The following TNR variants were observed in gnomAD, a reference collection of about 807,000 sequenced individuals.
TNR encodes the protein tenascin R.
A neutral mutation model predicts 150.4 loss-of-function variants in TNR; 45 were observed. The observed-to-expected ratio is 0.30, with a 90% CI of 0.24 to 0.38. The LOEUF is 0.38. Among genes scored for constraint, TNR ranks in the 10% least tolerant of loss-of-function variants. The pLI is 1.00. For synonymous variants in TNR, 687 were observed against 678.4 expected (o/e 1.01, Z -0.20); for missense variants, 1,544 against 1,759.1 (o/e 0.88, Z 2.19).
At chr1:175,402,083 G>A (rs990884700) in intron 4 of TNR, among the ~76,000 whole-genome samples, 5 of 151,872 alleles carry the variant, frequency 3.3e-5, no homozygotes, top group African/African-American at 9.7e-5. Flanking sequence ...CGAGGCGGGC[G>A]GATCATGAGG....
chr1:175,622,341 C>G (rs1664004194), intron 1 of TNR, among the ~76,000 whole-genome samples: 1 of 152,208 alleles, frequency 6.6e-6, no homozygotes, highest in African/African-American at 2.4e-5. Context: ...GCACCCATAG[C>G]ACTCATGCCA....
chr1:175,505,302 G>A (rs1345813770), intron 2 of TNR, among the ~76,000 whole-genome samples: 1 of 152,222 alleles, frequency 6.6e-6, no homozygotes, highest in Non-Finnish European at 1.5e-5. Context: ...GGCTTATCTC[G>A]GGCTTCCCCC....
Position 175,723,440 on chromosome 1 carries a change from G to T in TNR, c.-165+19786C>A, listed in dbSNP as rs188156179. On this transcript the variant is annotated intron_variant, in intron 1 of 22. Coordinates refer to ENST00000367674, the MANE Select transcript of TNR (RefSeq NM_003285.3). ...TCACTACACTCCAGGGACTGGGCAG[G>T]ACTCTGGAAAGACAAAGGTGAGCAA... is the stretch of plus-strand genomic sequence containing the variant. 3.9e-5 allele frequency among the ~76,000 whole-genome samples: 6 copies of T among 152,312 alleles called. No homozygotes were observed. The East Asian group carries it at 1.2e-3, about 29-fold the overall frequency.
Position 175,323,116 on chromosome 1 carries a change from G to T in TNR, c.*241C>A. On this transcript the variant is annotated 3_prime_UTR_variant, in exon 23 of 23. Coordinates refer to ENST00000367674, the MANE Select transcript of TNR (RefSeq NM_003285.3). The stretch of plus-strand genomic sequence containing the variant: ...AACTTCCTACTTCTCCTCCTTGGTG[G>T]GAAAGGAGGTGAAGGTTGAGGAGGC... 2.5e-6 allele frequency: 1 copy of T among 406,230 alleles called. No individual in the cohort carries two copies. The highest frequency in any genetic ancestry group is 4.3e-6 in the Non-Finnish European group (1 of 230,196). 25.2% of individuals were successfully genotyped at this position (406,230 alleles called of 1,614,324 possible). A position where few individuals can be genotyped will look rare whatever the true frequency, so the allele number is the denominator to read the frequency against.
At position 175,521,091 on chromosome 1, in the gene TNR, G is replaced by C. The variant is rs566397354; in HGVS notation, c.-64+7178C>G. ...TGTCCTTTTCTTAAAATTGGGGTGG[G>C]GATGAGGATGGGATGGGGAGTAATT... is the stretch of plus-strand genomic sequence containing the variant. On this transcript the variant is annotated intron_variant, in intron 2 of 22. Transcript: ENST00000367674. 3.7e-3 allele frequency among the ~76,000 whole-genome samples: 565 copies of C among 152,240 alleles called. 2 individuals carry two copies. Among genetic ancestry groups the C allele is most frequent in the South Asian group, 0.012 (56 of 4,820 alleles).
intron 1 of TNR, among the ~76,000 whole-genome samples, chr1:175,633,060 AC>A (rs1664382126): frequency 6.6e-6 from 1 of 151,630 alleles, no homozygotes; most frequent in African/African-American, 2.4e-5. Flanking sequence ...TGGAATACCC[AC>A]CCCCTCTTCC....
chr1:175,491,151 T>C lies in TNR; in HGVS notation c.-64+37118A>G, dbSNP rs188188257. ...ATCAATCACTGTATGTTCTCACTTA[T>C]AAGTGGGAGCTGAATGATGAGAACA... On this transcript the variant is annotated intron_variant, in intron 2 of 22. Coordinates refer to ENST00000367674, the MANE Select transcript of TNR (RefSeq NM_003285.3). 1.5e-3 allele frequency among the ~76,000 whole-genome samples: 226 copies of C among 151,924 alleles called. 2 individuals carry two copies. Among genetic ancestry groups the C allele is most frequent in the African/African-American group, 5.2e-3 (215 of 41,420 alleles).
chr1:175,668,614 C>A (rs1166983073), intron 1 of TNR, among the ~76,000 whole-genome samples: 1 of 152,132 alleles, frequency 6.6e-6, no homozygotes, highest in Non-Finnish European at 1.5e-5. Context: ...CCTGGCATCT[C>A]AAAAAGAGTC....
intron 18 of TNR, among the ~76,000 whole-genome samples, chr1:175,347,750 C>T (rs1227473972): frequency 6.6e-6 from 1 of 151,694 alleles, no homozygotes; most frequent in African/African-American, 2.4e-5. Flanking sequence ...TTTAAATTTA[C>T]ATTTTAATTT....
chr1:175,539,400 G>A (rs1361227308), intron 1 of TNR, among the ~76,000 whole-genome samples: 1 of 152,132 alleles, frequency 6.6e-6, no homozygotes, highest in Non-Finnish European at 1.5e-5. Context: ...ATTTAATGGA[G>A]GTGTAAACAA....
chr1:175,616,427 C>A (rs1663778156), intron 1 of TNR, among the ~76,000 whole-genome samples: 1 of 152,140 alleles, frequency 6.6e-6, no homozygotes, highest in Non-Finnish European at 1.5e-5. Context: ...GCGGGTGATG[C>A]TAGGTGTGCT....
chr1:175,457,954 T>C (rs1486084483), intron 2 of TNR, among the ~76,000 whole-genome samples: 1 of 152,244 alleles, frequency 6.6e-6, no homozygotes, highest in Non-Finnish European at 1.5e-5. Context: ...CTCATGTCTG[T>C]CTGAATAGAA....
At position 175,352,605 on chromosome 1, in the gene TNR, T is replaced by C. The variant is rs1651107214; in HGVS notation, c.3382+1786A>G. ...TTTGCAAGAGCATGGAGGGGGAGCA[T>C]AATTGACTCCAGCCCCATAAAAGAG... On this transcript the variant is annotated intron_variant, in intron 18 of 22. Coordinates refer to ENST00000367674, the MANE Select transcript of TNR (RefSeq NM_003285.3). 2.6e-5 allele frequency among the ~76,000 whole-genome samples: 4 copies of C among 152,132 alleles called. No homozygotes were observed. In the South Asian group the frequency reaches 8.3e-4, roughly 32 times the overall value.
Position 175,539,539 on chromosome 1 carries a change from C to T in TNR, c.-164-11170G>A, listed in dbSNP as rs58949039. On this transcript the variant is annotated intron_variant, in intron 1 of 22. Transcript: ENST00000367674. ...TCTCAGGCAGAGAAAAACAGTTGCA[C>T]TGAGACCTGCTGGCTCTGGAAGGTC... Among the ~76,000 whole-genome samples the T allele has an allele frequency of 7.0e-3, 1,062 of 152,310 alleles. 8 individuals are homozygous for T. The highest frequency in any genetic ancestry group is 0.023 in the African/African-American group (951 of 41,566).
At chr1:175,604,528 C>G (rs1663352316) in intron 1 of TNR, among the ~76,000 whole-genome samples, 1 of 152,194 alleles carries the variant, frequency 6.6e-6, no homozygotes, top group Non-Finnish European at 1.5e-5. Flanking sequence ...GAAAAGCTCA[C>G]TTCCTTGCCC....
chr1:175,491,024 G>C (rs1437938938), intron 2 of TNR, among the ~76,000 whole-genome samples: 1 of 152,204 alleles, frequency 6.6e-6, no homozygotes, highest in South Asian at 2.1e-4. Flanking sequence ...ATATACCGTG[G>C]AATAATATGT....
Position 175,324,490 on chromosome 1 carries a change from G to C in TNR, c.3823C>G (p.Pro1275Ala). Reference protein sequence around the residue: ...GDSLSYHQGRPFSTEDRDNDV... With the variant: ...GDSLSYHQGRAFSTEDRDNDV... ...TTGTCTCTATCCTCTGTGGAGAAAG[G>C]GCGTCCTTGATGATAGCTGAGGGAG... is the stretch of plus-strand genomic sequence containing the variant. The change falls in exon 22 of 23, where the codon CCT becomes GCT. Residue 1275 changes from proline to alanine, a missense_variant. Pro to Ala is a conservative substitution (Grantham distance 27). This residue lies in a region of TNR where 290 missense variants were observed against 429.7 expected (regional missense o/e 0.67). Coordinates refer to ENST00000367674, the MANE Select transcript of TNR (RefSeq NM_003285.3). The C allele has an allele frequency of 6.2e-7, 1 of 1,614,006 alleles. No homozygotes were observed. Among genetic ancestry groups the C allele is most frequent in the South Asian group, 1.1e-5 (1 of 91,052 alleles).
At chr1:175,698,861 G>C (rs1666607801) in intron 1 of TNR, among the ~76,000 whole-genome samples, 1 of 151,958 alleles carries the variant, frequency 6.6e-6, no homozygotes, top group African/African-American at 2.4e-5. Context: ...GGGAGGCAGA[G>C]CCTGTGGGCC....
rs576901372 is a variant in TNR, at chr1:175,501,750, C to T, written c.-64+26519G>A. Among the ~76,000 whole-genome samples, 128 of 152,206 alleles carry T rather than the reference C, an allele frequency of 8.4e-4. No individual in the cohort carries two copies. In the Middle Eastern group the frequency reaches 0.014, roughly 16 times the overall value. On this transcript the variant is annotated intron_variant, in intron 2 of 22. Transcript: ENST00000367674. The stretch of plus-strand genomic sequence containing the variant: ...GCTTCCTTCCTTGTCTCTCTTTTTG[C>T]CACCTATTTACGTCTAAATTCATTC...
Sources: allele counts gnomAD v4.1 joint callset (sites outside exome capture counted in the v4.1 genomes callset), GRCh38; gene constraint gnomAD v4.1.1; regional missense constraint gnomAD v4.1.1; transcripts MANE v1.5; gene names NCBI Gene and HGNC (gene_info 2026-07-23, HGNC 2026-07-21).